CD8B: variants seen among roughly 807,000 people sequenced by gnomAD.
The protein encoded by CD8B is CD8 subunit beta, also known as T-cell surface glycoprotein CD8 beta chain.
In CD8B, 6 loss-of-function variants were observed where a neutral mutation model predicts 24.2. The ratio of observed to expected loss-of-function variants is 0.25; its 90% CI spans 0.14 to 0.49. CD8B has a LOEUF of 0.49. CD8B is among the 20% of genes least tolerant of loss of function. The probability of loss-of-function intolerance (pLI) is 0.98; values close to 1 mark genes in which losing one functional copy is unlikely to be tolerated. For synonymous variants in CD8B, 84 were observed against 108.3 expected, an observed-to-expected ratio of 0.78 and a Z score of 1.39; for missense variants, 196 against 271.3, an observed-to-expected ratio of 0.72 and a Z score of 1.95.
At chr2:86,826,608 A>G (rs1411568196) in intron 5 of CD8B, among the ~76,000 whole-genome samples, 1 of 152,084 alleles carries the variant, frequency 6.6e-6, no homozygotes, top group Non-Finnish European at 1.5e-5. Context: ...TAGATACCTT[A>G]CTGTGCCGCT....
intron 3 of CD8B, 151 bp from the exon 4 acceptor site, chr2:86,846,924 AG>A: frequency 5.8e-6 from 2 of 344,706 alleles, no homozygotes; most frequent in South Asian, 3.4e-5. Flanking sequence ...TTTTTCCTCA[AG>A]TATTTTTTTT....
intron 3 of CD8B, among the ~76,000 whole-genome samples, chr2:86,848,339 T>G (rs1675789716): frequency 6.6e-6 from 1 of 152,258 alleles, no homozygotes; most frequent in African/African-American, 2.4e-5. Flanking sequence ...CCCTAATTTC[T>G]TATAAGCTTT....
chr2:86,858,381 C>T lies in CD8B; in HGVS notation c.79G>A (p.Ala27Thr), dbSNP rs1293097913. ...HGNSVLQQTPAYIKVQTNKMV... is the reference protein window; with the variant it reads ...HGNSVLQQTPTYIKVQTNKMV... ...TTGTTGGTTTGCACCTTTATGTATG[C>T]AGGGGTCTGCTGGAGGACTGAGTTG... is the stretch of plus-strand genomic sequence containing the variant. Residue 27 changes from alanine to threonine, a missense_variant, in exon 2 of 6, where the codon GCA becomes ACA. Ala to Thr is a moderately conservative substitution (Grantham distance 58, BLOSUM62 0). Coordinates refer to ENST00000390655, the MANE Select transcript of CD8B (RefSeq NM_004931.5). The T allele has an allele frequency of 6.2e-7, 1 of 1,606,032 alleles. No individual in the cohort carries two copies. The highest frequency in any genetic ancestry group is 8.5e-7 in the Non-Finnish European group (1 of 1,175,104).
chr2:86,853,982 C>A (rs1676105357), intron 2 of CD8B, among the ~76,000 whole-genome samples: 2 of 152,096 alleles, frequency 1.3e-5, no homozygotes, highest in Admixed American at 6.6e-5. Context: ...CTCAGGTAAT[C>A]CACTCACCTC....
Position 86,840,499 on chromosome 2 carries a change from T to A in CD8B, c.*1808A>T, listed in dbSNP as rs1011858779. On this transcript the variant is annotated 3_prime_UTR_variant, in exon 6 of 6. Coordinates refer to ENST00000390655, the MANE Select transcript of CD8B (RefSeq NM_004931.5). ...GCCATCCCTTCATCCGCATAGGGCG[T>A]CAATTCACCTCAGCCTTTCATTAGC... 6.6e-6 allele frequency among the ~76,000 whole-genome samples: 1 copy of A among 152,130 alleles called. No individual in the cohort carries two copies. The highest frequency in any genetic ancestry group is 1.5e-5 in the Non-Finnish European group (1 of 68,026).
intron 5 of CD8B, chr2:86,815,810 T>C: frequency 1.3e-6 from 1 of 750,686 alleles, no homozygotes; most frequent in Non-Finnish European, 2.4e-6. Flanking sequence ...TTTCTGTGAC[T>C]CAGTCGAGTC....
chr2:86,855,679 C>A (rs114547886), intron 2 of CD8B, among the ~76,000 whole-genome samples: 1 of 152,326 alleles, frequency 6.6e-6, no homozygotes, highest in Admixed American at 6.5e-5. Flanking sequence ...GAGCGTGCAA[C>A]GAGCCTGGCC....
In CD8B at chr2:86,848,703, T is replaced by TAATTATTTATTTATTTATTTA. The variant is rs1287364305; in HGVS notation, c.494-1931_494-1930insTAAATAAATAAATAAATAATT. ...AAGAAAGGTATTGGTATTTTTAAAT[T>TAATTATTTATTTATTTATTTA]ATTTATTTATTTATTTATTTATTTA... is the stretch of plus-strand genomic sequence containing the variant. On this transcript the variant is annotated intron_variant, in intron 3 of 5. Coordinates refer to ENST00000390655, the MANE Select transcript of CD8B (RefSeq NM_004931.5). 1.2e-3 allele frequency among the ~76,000 whole-genome samples: 77 copies of TAATTATTTATTTATTTATTTA among 65,786 alleles called. 3 individuals carry two copies. The highest frequency in any genetic ancestry group is 6.0e-3 in the Middle Eastern group (1 of 168). 43.2% of individuals were successfully genotyped at this position (65,786 alleles called of 152,430 possible). A position where few individuals can be genotyped will look rare whatever the true frequency, so the allele number is the denominator to read the frequency against.
At chr2:86,827,633 A>G (rs1237404754) in intron 5 of CD8B, among the ~76,000 whole-genome samples, 2 of 152,062 alleles carry the variant, frequency 1.3e-5, no homozygotes, top group Non-Finnish European at 2.9e-5. Flanking sequence ...AAAAAAAAAA[A>G]AAAAATGTGG....
chr2:86,818,910 G>A (rs931293588), intron 5 of CD8B, among the ~76,000 whole-genome samples: 6 of 152,156 alleles, frequency 3.9e-5, no homozygotes, highest in African/African-American at 1.4e-4. Context: ...AGTTCTTGAA[G>A]GAAATTAAAA....
intron 5 of CD8B, among the ~76,000 whole-genome samples, chr2:86,823,184 G>A (rs891260061): frequency 6.6e-6 from 1 of 151,904 alleles, no homozygotes; most frequent in Admixed American, 6.6e-5. Context: ...TTTCTCTGAC[G>A]AATTCAGAGA....
rs574942992 is a variant in CD8B at position 86,839,937 on chromosome 2, A to G, written c.*2370T>C. 6.6e-3 allele frequency among the ~76,000 whole-genome samples: 1,007 copies of G among 152,192 alleles called. 10 individuals are homozygous for G. Among genetic ancestry groups the G allele is most frequent in the African/African-American group, 0.023 (965 of 41,548 alleles). ...GAGGAGTCTGGTCCAGCTGACCCCA[A>G]TTCTTTCACCCCTCCCCTCAGCCTT... is the stretch of plus-strand genomic sequence containing the variant. On this transcript the variant is annotated 3_prime_UTR_variant, in exon 6 of 6. Transcript: ENST00000390655.
intron 3 of CD8B, among the ~76,000 whole-genome samples, 162 bp downstream of exon 3, chr2:86,852,835 G>A (rs533253706): frequency 2.0e-5 from 3 of 151,756 alleles, no homozygotes; most frequent in Admixed American, 6.6e-5. Flanking sequence ...GAGACTGTGA[G>A]TTGCTGGCAC....
chr2:86,823,086 T>C (rs1674539244), intron 5 of CD8B, among the ~76,000 whole-genome samples: 1 of 152,112 alleles, frequency 6.6e-6, no homozygotes, highest in Non-Finnish European at 1.5e-5. Flanking sequence ...AACTTTTTCA[T>C]CTTCCTAAAC....
At chr2:86,854,501 G>A (rs1676135933) in intron 2 of CD8B, among the ~76,000 whole-genome samples, 2 of 152,170 alleles carry the variant, frequency 1.3e-5, no homozygotes, top group Non-Finnish European at 2.9e-5. Flanking sequence ...AGCCCCAAGT[G>A]GTGAGTGCTG....
chr2:86,846,135 G>A (rs1302439605), intron 4 of CD8B, among the ~76,000 whole-genome samples: 1 of 152,242 alleles, frequency 6.6e-6, no homozygotes, highest in Non-Finnish European at 1.5e-5. Flanking sequence ...AGCTTGGGGT[G>A]GGGGCCATAG....
intron 3 of CD8B, among the ~76,000 whole-genome samples, chr2:86,847,605 G>A (rs1239669890): frequency 6.6e-6 from 1 of 152,072 alleles, no homozygotes; most frequent in African/African-American, 2.4e-5. Flanking sequence ...TCGCTCTGTC[G>A]CCCAGGCTGG....
intron 3 of CD8B, among the ~76,000 whole-genome samples, chr2:86,850,724 G>A (rs557814440): frequency 3.3e-5 from 5 of 152,192 alleles, no homozygotes; most frequent in South Asian, 4.2e-4. Context: ...ACACACATCC[G>A]GGTTATTCTT....
intron 3 of CD8B, 83 bp from the exon 4 acceptor site, chr2:86,846,856 T>C: frequency 1.2e-6 from 1 of 818,532 alleles, no homozygotes; most frequent in South Asian, 1.5e-5. Flanking sequence ...GAGCGAAAAA[T>C]TCAACTGGAA....
Sources: allele counts gnomAD v4.1 joint callset (sites outside exome capture counted in the v4.1 genomes callset), GRCh38; gene constraint gnomAD v4.1.1; transcripts MANE v1.5; gene names NCBI Gene and HGNC (gene_info 2026-07-23, HGNC 2026-07-21).